The following DIAPH2 variants were observed in gnomAD, a reference collection of about 807,000 sequenced individuals.
The protein encoded by DIAPH2 is protein diaphanous homolog 2.
A neutral mutation model predicts 92.7 loss-of-function variants in DIAPH2; 35 were observed. That is an observed-to-expected ratio of 0.38 (90% CI 0.29 to 0.50). DIAPH2 has a LOEUF of 0.50. DIAPH2 is among the 20% of genes least tolerant of loss of function. The pLI is 0.94. For synonymous variants in DIAPH2, 301 were observed against 280.4 expected (o/e 1.07, Z -0.73); for missense variants, 701 against 819.5 (o/e 0.86, Z 1.77).
intron 26 of DIAPH2, chrX:97,442,545 G>A (rs1049784185): frequency 8.9e-6 from 1 of 112,650 alleles, no homozygotes; most frequent in South Asian, 3.7e-4. Context: ...TTATGGGAAA[G>A]TTTCTCTCAT....
intron 26 of DIAPH2, among the ~76,000 whole-genome samples, chrX:97,487,343 C>T (rs1045392482): frequency 3.6e-5 from 4 of 111,069 alleles, no homozygotes; most frequent in African/African-American, 1.3e-4. Context: ...GGCGTGATCT[C>T]GGTTCACTGT....
chrX:97,499,967 T>C (rs1018251693), intron 26 of DIAPH2, among the ~76,000 whole-genome samples: 1 of 112,207 alleles, frequency 8.9e-6, no homozygotes, highest in Non-Finnish European at 1.9e-5. Flanking sequence ...TTCACAGCAT[T>C]CAGAGATCAG....
intron 16 of DIAPH2, among the ~76,000 whole-genome samples, chrX:96,964,223 A>G (rs2065881259): frequency 9.0e-6 from 1 of 111,396 alleles, no homozygotes; most frequent in South Asian, 3.8e-4. Flanking sequence ...TCATTTTTCA[A>G]TCTTATGCAT....
intron 22 of DIAPH2, among the ~76,000 whole-genome samples, chrX:97,211,456 A>G (rs1314334658): frequency 9.0e-6 from 1 of 111,668 alleles, no homozygotes; most frequent in East Asian, 2.8e-4. Context: ...GGAGGTGGAG[A>G]AAAGCAGGTG....
chrX:97,161,433 C>T (rs1450932605), intron 22 of DIAPH2, among the ~76,000 whole-genome samples: 1 of 109,909 alleles, frequency 9.1e-6, no homozygotes, highest in Non-Finnish European at 1.9e-5. Context: ...AGAAGTCTCA[C>T]TCTGTCACCC....
intron 1 of DIAPH2, among the ~76,000 whole-genome samples, chrX:96,724,973 A>G (rs2064012176): frequency 9.0e-6 from 1 of 111,492 alleles, no homozygotes; most frequent in Non-Finnish European, 1.9e-5. Context: ...TTCAGGGGCT[A>G]AGTATAGTTG....
chrX:97,417,726 A>G (rs1346493176), intron 25 of DIAPH2, among the ~76,000 whole-genome samples: 3 of 111,021 alleles, frequency 2.7e-5, no homozygotes. Context: ...CGTAAAAAAT[A>G]GAATAAAGTT....
chrX:97,341,743 C>T (rs1021814282), intron 23 of DIAPH2, among the ~76,000 whole-genome samples: 2 of 111,356 alleles, frequency 1.8e-5, no homozygotes, highest in African/African-American at 6.5e-5. Context: ...GGCTCAGCTC[C>T]AGAAGAGAGA....
chrX:97,069,560 A>G (rs2066655872), intron 17 of DIAPH2, among the ~76,000 whole-genome samples: 1 of 111,582 alleles, frequency 9.0e-6, no homozygotes, highest in Non-Finnish European at 1.9e-5. Flanking sequence ...ACCATGCAGT[A>G]TGAGTAGATA....
intron 17 of DIAPH2, among the ~76,000 whole-genome samples, chrX:97,004,364 G>A (rs559777620): frequency 9.0e-5 from 10 of 111,169 alleles, no homozygotes; most frequent in Admixed American, 6.7e-4. Flanking sequence ...ATTTTGATAG[G>A]GATCACATTG....
intron 4 of DIAPH2, among the ~76,000 whole-genome samples, chrX:96,760,748 C>T (rs1424610918): frequency 9.0e-6 from 1 of 110,949 alleles, no homozygotes; most frequent in Non-Finnish European, 1.9e-5. Flanking sequence ...GAAAAGGAGA[C>T]TATAAAGGAA....
intron 4 of DIAPH2, among the ~76,000 whole-genome samples, chrX:96,844,947 A>G (rs1211374911): frequency 8.9e-6 from 1 of 112,184 alleles, no homozygotes; most frequent in Non-Finnish European, 1.9e-5. Flanking sequence ...ATAATATTTT[A>G]TGATTTATTT....
intron 11 of DIAPH2, among the ~76,000 whole-genome samples, chrX:96,938,379 A>G (rs2065671805): frequency 9.0e-6 from 1 of 111,654 alleles, no homozygotes; most frequent in Non-Finnish European, 1.9e-5. Flanking sequence ...TGTTTTTCAT[A>G]TCAATTAATA....
At chrX:97,243,601 T>C (rs2051423386) in intron 22 of DIAPH2, among the ~76,000 whole-genome samples, 2 of 111,852 alleles carry the variant, frequency 1.8e-5, no homozygotes, top group South Asian at 7.4e-4. Flanking sequence ...TCTCTTTTGT[T>C]CAGGCATAAT....
intron 17 of DIAPH2, among the ~76,000 whole-genome samples, chrX:97,059,716 C>T (rs754464938): frequency 1.5e-4 from 17 of 111,876 alleles, no homozygotes; most frequent in African/African-American, 5.2e-4. Flanking sequence ...AATATATTTA[C>T]TGTTCATTAA....
intron 4 of DIAPH2, among the ~76,000 whole-genome samples, chrX:96,821,544 G>C (rs1340225524): frequency 2.7e-5 from 3 of 111,977 alleles, no homozygotes; most frequent in Admixed American, 1.9e-4. Context: ...GTGATTGATT[G>C]AATCAACCAT....
chrX:97,414,988 A>G (rs1222123832), intron 25 of DIAPH2, among the ~76,000 whole-genome samples: 1 of 112,014 alleles, frequency 8.9e-6, no homozygotes, highest in Non-Finnish European at 1.9e-5. Flanking sequence ...AGAATCTACA[A>G]AGACCTTACA....
At chrX:97,257,433 G>C (rs2068246587) in intron 23 of DIAPH2, among the ~76,000 whole-genome samples, 1 of 111,558 alleles carries the variant, frequency 9.0e-6, no homozygotes, top group Non-Finnish European at 1.9e-5. Flanking sequence ...AGTTGACAAT[G>C]GTTCTGAGAG....
At chrX:97,474,835 A>G (rs1056940431) in intron 26 of DIAPH2, among the ~76,000 whole-genome samples, 9 of 111,059 alleles carry the variant, frequency 8.1e-5, no homozygotes, top group African/African-American at 1.6e-4. Flanking sequence ...GGGATGGACT[A>G]GATAACTTCT....
Sources: allele counts gnomAD v4.1 joint callset (sites outside exome capture counted in the v4.1 genomes callset), GRCh38; gene constraint gnomAD v4.1.1; transcripts MANE v1.5; gene names NCBI Gene and HGNC (gene_info 2026-07-23, HGNC 2026-07-21).